CLEC16A: variants seen among roughly 807,000 people sequenced by gnomAD.
The protein encoded by CLEC16A is protein CLEC16A.
Under a neutral mutation model 109.5 loss-of-function variants are expected in CLEC16A, and 51 were observed. The ratio of observed to expected loss-of-function variants is 0.47; its 90% CI spans 0.37 to 0.59. CLEC16A has a LOEUF of 0.59. Among genes scored for constraint, CLEC16A ranks in the 20% least tolerant of loss-of-function variants. The pLI is 0.00. For synonymous variants in CLEC16A, 673 were observed against 564.2 expected (o/e 1.19, Z -2.73); for missense variants, 1,339 against 1,394.0 (o/e 0.96, Z 0.63).
At chr16:11,129,699 T>C (rs563135376) in intron 22 of CLEC16A, among the ~76,000 whole-genome samples, 2 of 151,780 alleles carry the variant, frequency 1.3e-5, no homozygotes, top group East Asian at 3.9e-4. Context: ...GCCTCTTCAG[T>C]GGCCTTTTCA....
At chr16:11,145,651 C>G (rs567201146) in intron 22 of CLEC16A, among the ~76,000 whole-genome samples, 67 of 152,372 alleles carry the variant, frequency 4.4e-4, no homozygotes, top group Middle Eastern at 3.4e-3. Context: ...GGGCTGTGCC[C>G]CCATCAGTCT....
intron 22 of CLEC16A, among the ~76,000 whole-genome samples, chr16:11,140,598 C>G (rs1597536442): frequency 6.6e-6 from 1 of 152,168 alleles, no homozygotes; most frequent in East Asian, 1.9e-4. Context: ...GGCCTGTCCT[C>G]CTGTCCCCAC....
At chr16:11,044,276 T>C (rs1205997397) in intron 16 of CLEC16A, 3 of 399,226 alleles carry the variant, frequency 7.5e-6, no homozygotes, top group East Asian at 7.4e-5. Flanking sequence ...AGTAAAATTT[T>C]TGAGGACTCA....
Position 11,073,674 on chromosome 16 carries a change from C to A in CLEC16A, c.2116+12652C>A, listed in dbSNP as rs141171986. Among the ~76,000 whole-genome samples the A allele has an allele frequency of 4.1e-4, 63 of 152,314 alleles. 3 individuals carry two copies. In the East Asian group the frequency reaches 0.011, roughly 28 times the overall value. ...GGCTCCTGGACACAGCCTGCCTGCC[C>A]TTGTCGCCCCTGCCTGGATGGCCCT... On this transcript the variant is annotated intron_variant, in intron 19 of 23. Coordinates refer to ENST00000409790, the MANE Select transcript of CLEC16A (RefSeq NM_015226.3).
At chr16:10,987,509 A>T (rs945061586) in intron 10 of CLEC16A, among the ~76,000 whole-genome samples, 1 of 152,180 alleles carries the variant, frequency 6.6e-6, no homozygotes, top group Non-Finnish European at 1.5e-5. Flanking sequence ...TTTGGGATGT[A>T]AGAGCCAGTT....
intron 22 of CLEC16A, among the ~76,000 whole-genome samples, chr16:11,131,317 C>T (rs1005827743): frequency 1.3e-5 from 2 of 152,220 alleles, no homozygotes; most frequent in African/African-American, 2.4e-5. Flanking sequence ...GTCCAAAACT[C>T]GCCTGCAAGG....
intron 22 of CLEC16A, chr16:11,156,681 C>T (rs769339136): frequency 1.2e-5 from 15 of 1,303,294 alleles, no homozygotes; most frequent in Middle Eastern, 2.1e-4. Context: ...AATTTACAGA[C>T]GGTAATACCA....
rs1169591095 is a variant in CLEC16A, at chr16:10,957,939, T to C, written c.209+29T>C. On this transcript the variant is annotated intron_variant, in intron 2 of 23. Transcript: ENST00000409790. ...AGGGTTTCTAATGATTGCTGTTCTT[T>C]GATTATTCTTCTTTGAATGTTTTTC... 3.1e-6 allele frequency: 5 copies of C among 1,605,636 alleles called. No homozygotes were observed. In the East Asian group the frequency reaches 8.9e-5, roughly 29 times the overall value.
intron 18 of CLEC16A, chr16:11,057,031 C>T (rs757432790): frequency 6.6e-6 from 1 of 152,272 alleles, no homozygotes; most frequent in African/African-American, 2.4e-5. Context: ...CTATAATGAG[C>T]AGCTTCATGA....
At chr16:11,045,062 C>T (rs950840421) in intron 16 of CLEC16A, among the ~76,000 whole-genome samples, 1 of 151,886 alleles carries the variant, frequency 6.6e-6, no homozygotes. Context: ...ACTTCTGGGC[C>T]GGGCATGGTG....
chr16:11,180,790 A>T lies in CLEC16A; in HGVS notation c.*2100A>T, dbSNP rs1224612920. The T allele has an allele frequency of 6.6e-6, 1 of 152,348 alleles. No homozygotes were observed. Among genetic ancestry groups the T allele is most frequent in the Non-Finnish European group, 1.5e-5 (1 of 68,176 alleles). 9.4% of individuals were successfully genotyped at this position (152,348 alleles called of 1,614,324 possible). A position where few individuals can be genotyped will look rare whatever the true frequency, so the allele number is the denominator to read the frequency against. Reference sequence around the variant, plus strand: ...ACGGGTGGGCCACCAGCCTGCTGTCAGAAGTCTCTGGGCTCCAACTGGTCT... The same window carrying T: ...ACGGGTGGGCCACCAGCCTGCTGTCTGAAGTCTCTGGGCTCCAACTGGTCT... On this transcript the variant is annotated 3_prime_UTR_variant, in exon 24 of 24. Coordinates refer to ENST00000409790, the MANE Select transcript of CLEC16A (RefSeq NM_015226.3).
At chr16:11,053,746 AC>A (rs975775344) in intron 18 of CLEC16A, among the ~76,000 whole-genome samples, 1 of 152,198 alleles carries the variant, frequency 6.6e-6, no homozygotes, top group African/African-American at 2.4e-5. Context: ...TAGCTGAGCC[AC>A]AAGTCAGCCC....
intron 19 of CLEC16A, among the ~76,000 whole-genome samples, chr16:11,087,854 G>C (rs1245205719): frequency 2.0e-5 from 3 of 152,236 alleles, no homozygotes; most frequent in Non-Finnish European, 4.4e-5. Context: ...TTCCACACAA[G>C]GTGGCTGGGA....
chr16:10,952,364 T>G (rs995335370), intron 1 of CLEC16A, among the ~76,000 whole-genome samples: 19 of 152,154 alleles, frequency 1.2e-4, no homozygotes, highest in African/African-American at 4.6e-4. Context: ...CATGGTGGCC[T>G]GCGCCTATAA....
At chr16:11,028,877 A>T (rs1462395164) in intron 13 of CLEC16A, among the ~76,000 whole-genome samples, 1 of 152,182 alleles carries the variant, frequency 6.6e-6, no homozygotes, top group African/African-American at 2.4e-5. Context: ...TTAACATATG[A>T]GGTTCATTCA....
At position 10,989,972 on chromosome 16, in the gene CLEC16A, A is replaced by C. The variant is rs187492514; in HGVS notation, c.1071+6981A>C. ...TAGCACCCCTTCCGGCCAGGATTAG[A>C]GTTCCTGAGTCTTTTAGTGACCCTG... On this transcript the variant is annotated intron_variant, in intron 10 of 23. Coordinates refer to ENST00000409790, the MANE Select transcript of CLEC16A (RefSeq NM_015226.3). 1.2e-4 allele frequency among the ~76,000 whole-genome samples: 19 copies of C among 152,292 alleles called. No homozygotes were observed. In the East Asian group the frequency reaches 3.7e-3, roughly 29 times the overall value.
intron 22 of CLEC16A, among the ~76,000 whole-genome samples, chr16:11,139,162 G>A (rs984875005): frequency 6.6e-6 from 1 of 152,108 alleles, no homozygotes; most frequent in African/African-American, 2.4e-5. Context: ...GAAGGCCTTC[G>A]GGAGTTGTGG....
rs374710470 is a variant in CLEC16A, at chr16:11,064,875, A to T, written c.2116+3853A>T. ...GCTCACAGCACCATGCTTGGCACTTAGTAGGTGCCCAGTGAGTGGGAGTTG... is the reference window on the plus strand; with the variant it reads ...GCTCACAGCACCATGCTTGGCACTTTGTAGGTGCCCAGTGAGTGGGAGTTG... On this transcript the variant is annotated intron_variant, in intron 19 of 23. Transcript: ENST00000409790. 1.2e-4 allele frequency among the ~76,000 whole-genome samples: 18 copies of T among 152,348 alleles called. No individual in the cohort carries two copies. In the East Asian group the frequency reaches 1.5e-3, roughly 13 times the overall value.
At chr16:11,161,775 T>C (rs2054729582) in intron 22 of CLEC16A, among the ~76,000 whole-genome samples, 1 of 152,188 alleles carries the variant, frequency 6.6e-6, no homozygotes, top group African/African-American at 2.4e-5. Flanking sequence ...TTTTCATTTT[T>C]TAAGAAAGCA....
Sources: allele counts gnomAD v4.1 joint callset (sites outside exome capture counted in the v4.1 genomes callset), GRCh38; gene constraint gnomAD v4.1.1; transcripts MANE v1.5; gene names NCBI Gene and HGNC (gene_info 2026-07-23, HGNC 2026-07-21).